SOX5: variants seen among roughly 807,000 people sequenced by gnomAD.
SOX5 encodes the protein transcription factor SOX-5.
Under a neutral mutation model 92.0 loss-of-function variants are expected in SOX5, and 9 were observed. The observed-to-expected ratio is 0.10, with a 90% CI of 0.06 to 0.17. SOX5 has a LOEUF of 0.17. SOX5 is among the 10% of genes least tolerant of loss of function. The pLI is 1.00. For synonymous variants in SOX5, 344 were observed against 336.3 expected, an observed-to-expected ratio of 1.02 and a Z score of -0.25; for missense variants, 642 against 944.5, an observed-to-expected ratio of 0.68 and a Z score of 4.20.
intron 4 of SOX5, among the ~76,000 whole-genome samples, chr12:24,065,762 T>A (rs1422433502): frequency 1.3e-5 from 2 of 152,128 alleles, no homozygotes; most frequent in African/African-American, 4.8e-5. Context: ...ATGACCAATG[T>A]CAACCAGGAA....
At chr12:24,389,203 G>A (rs556654028) in intron 1 of SOX5, among the ~76,000 whole-genome samples, 7 of 151,870 alleles carry the variant, frequency 4.6e-5, no homozygotes, top group Non-Finnish European at 8.8e-5. Context: ...AAGAATATGC[G>A]GTGTTTGGTT....
At chr12:24,366,656 T>A (rs766552719) in intron 2 of SOX5, among the ~76,000 whole-genome samples, 13 of 152,168 alleles carry the variant, frequency 8.5e-5, no homozygotes, top group Non-Finnish European at 1.8e-4. Context: ...AATATTTGCA[T>A]AGCTGACTCC....
At chr12:23,615,676 G>A (rs1592605667) in intron 8 of SOX5, among the ~76,000 whole-genome samples, 1 of 113,372 alleles carries the variant, frequency 8.8e-6, no homozygotes, top group Non-Finnish European at 1.8e-5. Flanking sequence ...CAAAAGACAC[G>A]ATCTCATTCT....
intron 1 of SOX5, among the ~76,000 whole-genome samples, chr12:24,494,259 C>A (rs575173345): frequency 1.3e-5 from 2 of 152,258 alleles, no homozygotes; most frequent in East Asian, 3.9e-4. Flanking sequence ...TCCTCTTGCA[C>A]CTATAAAGAA....
rs2096494836 is a variant in SOX5, at chr12:23,840,169, C to T, written c.481+5814G>A. Among the ~76,000 whole-genome samples, 5 of 151,938 alleles carry T rather than the reference C, an allele frequency of 3.3e-5. No individual in the cohort carries two copies. The South Asian group carries it at 1.0e-3, about 32-fold the overall frequency. Reference sequence around the variant, plus strand: ...AAGGGGAATATACTACAGTCAATTTCCCATATTTCAGCAACAAACAATTGA... The same window carrying T: ...AAGGGGAATATACTACAGTCAATTTTCCATATTTCAGCAACAAACAATTGA... On this transcript the variant is annotated intron_variant, in intron 3 of 14. Coordinates refer to ENST00000451604, the MANE Select transcript of SOX5 (RefSeq NM_006940.6).
chr12:23,719,577 C>T (rs1178493715), intron 6 of SOX5, among the ~76,000 whole-genome samples: 1 of 151,800 alleles, frequency 6.6e-6, no homozygotes, highest in African/African-American at 2.4e-5. Flanking sequence ...GAGGGTCCCC[C>T]CATCTCTACA....
At chr12:24,006,090 T>A (rs960497164) in intron 4 of SOX5, among the ~76,000 whole-genome samples, 1 of 152,150 alleles carries the variant, frequency 6.6e-6, no homozygotes, top group Non-Finnish European at 1.5e-5. Flanking sequence ...TTTGTAATAA[T>A]CTACAATGGG....
At chr12:24,098,661 C>T (rs975570501) in intron 4 of SOX5, among the ~76,000 whole-genome samples, 5 of 152,122 alleles carry the variant, frequency 3.3e-5, no homozygotes, top group Admixed American at 3.3e-4. Flanking sequence ...AGTAAAGTAA[C>T]TTTTCTTTCC....
At chr12:23,891,857 A>G (rs2097132771) in intron 2 of SOX5, among the ~76,000 whole-genome samples, 1 of 152,184 alleles carries the variant, frequency 6.6e-6, no homozygotes. Context: ...TAATTTGAAT[A>G]TATCATGACT....
intron 8 of SOX5, among the ~76,000 whole-genome samples, chr12:23,606,461 C>T (rs2075269793): frequency 1.3e-5 from 2 of 151,570 alleles, no homozygotes; most frequent in African/African-American, 4.8e-5. Flanking sequence ...TGACATGGAA[C>T]ATACAATATC....
chr12:24,077,772 C>CATAT (rs35914700), intron 4 of SOX5, among the ~76,000 whole-genome samples: 11,030 of 116,432 alleles, frequency 0.095, 621 homozygotes, highest in Non-Finnish European at 0.12. Context: ...AAGGTATTTT[C>CATAT]ATATATATAT....
chr12:23,761,391 G>A (rs2094558925), intron 3 of SOX5, among the ~76,000 whole-genome samples: 1 of 152,072 alleles, frequency 6.6e-6, no homozygotes, highest in South Asian at 2.1e-4. Context: ...GATCATTTTA[G>A]GTACTAACAG....
At chr12:23,598,503 A>G (rs1272056913) in intron 9 of SOX5, among the ~76,000 whole-genome samples, 1 of 138,114 alleles carries the variant, frequency 7.2e-6, no homozygotes. Context: ...GGTTCATGCT[A>G]TTCTCCTGCC....
At chr12:23,918,301 T>C (rs898343528) in intron 1 of SOX5, among the ~76,000 whole-genome samples, 3 of 152,210 alleles carry the variant, frequency 2.0e-5, no homozygotes, top group African/African-American at 7.2e-5. Flanking sequence ...AAGGACATGG[T>C]TCCTAGAGAG....
intron 2 of SOX5, among the ~76,000 whole-genome samples, chr12:24,339,351 G>A (rs1262877183): frequency 1.3e-5 from 2 of 152,194 alleles, no homozygotes; most frequent in South Asian, 2.1e-4. Context: ...GGGATAAGGA[G>A]CAGCAGCAGA....
At chr12:24,537,024 A>G (rs1433120967) in intron 1 of SOX5, among the ~76,000 whole-genome samples, 1 of 152,204 alleles carries the variant, frequency 6.6e-6, no homozygotes, top group African/African-American at 2.4e-5. Flanking sequence ...GTTTTGGTAA[A>G]AATATTATCA....
At chr12:24,047,483 T>A (rs1957160969) in intron 4 of SOX5, among the ~76,000 whole-genome samples, 1 of 152,216 alleles carries the variant, frequency 6.6e-6, no homozygotes, top group Non-Finnish European at 1.5e-5. Flanking sequence ...TCATTCTGTG[T>A]ACTGTAAGCA....
At chr12:23,573,086 G>T (rs887571903) in intron 10 of SOX5, among the ~76,000 whole-genome samples, 2 of 151,906 alleles carry the variant, frequency 1.3e-5, no homozygotes, top group African/African-American at 4.8e-5. Flanking sequence ...CCTTTACAAG[G>T]GTTAATCCCT....
chr12:24,551,643 C>A (rs894656305), intron 1 of SOX5, among the ~76,000 whole-genome samples: 1 of 152,158 alleles, frequency 6.6e-6, no homozygotes, highest in Non-Finnish European at 1.5e-5. Flanking sequence ...ACTGTTATCC[C>A]AAGATAATAG....
Sources: allele counts gnomAD v4.1 joint callset (sites outside exome capture counted in the v4.1 genomes callset), GRCh38; gene constraint gnomAD v4.1.1; transcripts MANE v1.5; gene names NCBI Gene and HGNC (gene_info 2026-07-23, HGNC 2026-07-21).